The following PLGRKT variants were observed in gnomAD, a reference collection of about 807,000 sequenced individuals.
The protein encoded by PLGRKT is plasminogen receptor with a C-terminal lysine.
In PLGRKT, 22 loss-of-function variants were observed where a neutral mutation model predicts 18.5. That is an observed-to-expected ratio of 1.19 (90% CI 0.85 to 1.70). The LOEUF (loss-of-function observed/expected upper bound fraction) is 1.70, where lower values mean the gene tolerates loss of function less well. Among genes scored for constraint, PLGRKT ranks in the 40% most tolerant of loss-of-function variants. The probability of loss-of-function intolerance (pLI) is 0.00; values close to 1 mark genes in which losing one functional copy is unlikely to be tolerated. For synonymous variants in PLGRKT, 72 were observed against 52.8 expected (o/e 1.36, Z -1.58); for missense variants, 235 against 174.4 (o/e 1.35, Z -1.96).
intron 3 of PLGRKT, among the ~76,000 whole-genome samples, chr9:5,422,896 G>A (rs1421111743): frequency 6.6e-6 from 1 of 152,010 alleles, no homozygotes; most frequent in Non-Finnish European, 1.5e-5. Flanking sequence ...ATTTGCTGGT[G>A]GGTCTTAGTA....
chr9:5,378,172 G>C (rs1817668088), intron 3 of PLGRKT, among the ~76,000 whole-genome samples: 1 of 152,148 alleles, frequency 6.6e-6, no homozygotes. Flanking sequence ...CCAGACATTT[G>C]AGGGAAACCA....
rs1437202596 is a variant in PLGRKT at position 5,397,645 on chromosome 9, G to A, written c.81+34252C>T. 1.3e-5 allele frequency among the ~76,000 whole-genome samples: 2 copies of A among 151,536 alleles called. 1 individual carries two copies. Among genetic ancestry groups the A allele is most frequent in the African/African-American group, 4.9e-5 (2 of 40,884 alleles). On this transcript the variant is annotated intron_variant, in intron 3 of 5. Coordinates refer to ENST00000223864, the MANE Select transcript of PLGRKT (RefSeq NM_018465.4). Reference sequence around the variant, plus strand: ...AGGGAAGAGGGGAGAGAGGGAAGAAGGAAGCAAGCAATGGTCAGTGGCTTG... The same window carrying A: ...AGGGAAGAGGGGAGAGAGGGAAGAAAGAAGCAAGCAATGGTCAGTGGCTTG...
rs776411346 is a variant in PLGRKT at position 5,361,142 on chromosome 9, TG to T, written c.257del (p.Pro86HisfsTer2). 1.2e-6 allele frequency: 2 copies of T among 1,612,072 alleles called. No homozygotes were observed. The highest frequency in any genetic ancestry group is 1.7e-6 in the Non-Finnish European group (2 of 1,178,352). On this transcript the variant is annotated frameshift_variant, in exon 5 of 6. Transcript: ENST00000223864. LOFTEE classifies it high-confidence loss of function. ...KKPAFLVPIV[P>X]LSFILTYQYD... The stretch of plus-strand genomic sequence containing the variant: ...ACTGGTAGGTGAGGATAAAGCTTAA[TG>T]GAACAATCGGGACCAGGAAGGCTGG...
rs529922116 is a variant in PLGRKT at position 5,401,956 on chromosome 9, A to AT, written c.81+29940dup. ...GACACTTGTCTCATGTTTAGTGTGG[A>AT]TTTTTTTTTTCTAATTACCACAGTT... is the stretch of plus-strand genomic sequence containing the variant. On this transcript the variant is annotated intron_variant, in intron 3 of 5. Coordinates refer to ENST00000223864, the MANE Select transcript of PLGRKT (RefSeq NM_018465.4). Among the ~76,000 whole-genome samples, 106 of 150,170 alleles carry AT rather than the reference A, an allele frequency of 7.1e-4. 2 individuals are homozygous for AT. Among genetic ancestry groups the AT allele is most frequent in the East Asian group, 2.1e-3 (11 of 5,160 alleles).
At chr9:5,409,235 G>T in intron 3 of PLGRKT, among the ~76,000 whole-genome samples, 1 of 152,204 alleles carries the variant, frequency 6.6e-6, no homozygotes. Flanking sequence ...TGAGGGTGTT[G>T]CCAAAGGAGA....
chr9:5,381,244 G>C (rs1262788584), intron 3 of PLGRKT, among the ~76,000 whole-genome samples: 1 of 152,208 alleles, frequency 6.6e-6, no homozygotes, highest in Non-Finnish European at 1.5e-5. Context: ...AGCTGTTCGT[G>C]GCAGCCCCTC....
At chr9:5,409,984 T>C (rs986338734) in intron 3 of PLGRKT, among the ~76,000 whole-genome samples, 1 of 152,150 alleles carries the variant, frequency 6.6e-6, no homozygotes, top group Non-Finnish European at 1.5e-5. Context: ...CTGGAGAAAT[T>C]TTTACCTTTA....
chr9:5,412,216 T>C (rs745812359), intron 3 of PLGRKT, among the ~76,000 whole-genome samples: 3 of 152,176 alleles, frequency 2.0e-5, no homozygotes, highest in Non-Finnish European at 4.4e-5. Context: ...ATAGACTTCT[T>C]AATAAGTGGT....
intron 1 of PLGRKT, 58 bp from the exon 2 acceptor site, chr9:5,436,752 C>T (rs1234450482): frequency 6.6e-6 from 1 of 152,200 alleles, no homozygotes; most frequent in African/African-American, 2.4e-5. Context: ...TCAGTATTTT[C>T]AACATTCTTT....
chr9:5,386,068 G>A (rs1009298023), intron 3 of PLGRKT, among the ~76,000 whole-genome samples: 1 of 151,746 alleles, frequency 6.6e-6, no homozygotes, highest in Non-Finnish European at 1.5e-5. Context: ...TGGGACCTGA[G>A]GACAAGGAGA....
At chr9:5,428,237 C>A (rs1250724018) in intron 3 of PLGRKT, among the ~76,000 whole-genome samples, 2 of 152,176 alleles carry the variant, frequency 1.3e-5, no homozygotes, top group Non-Finnish European at 2.9e-5. Context: ...AAATACAAAG[C>A]CTTGCTTACT....
chr9:5,410,105 C>G (rs1818333833), intron 3 of PLGRKT, among the ~76,000 whole-genome samples: 1 of 152,100 alleles, frequency 6.6e-6, no homozygotes, highest in South Asian at 2.1e-4. Context: ...ATTGCTATTA[C>G]TGGCCTTAAT....
intron 3 of PLGRKT, among the ~76,000 whole-genome samples, chr9:5,386,044 T>A (rs1200758331): frequency 1.3e-5 from 2 of 151,808 alleles, no homozygotes; most frequent in Non-Finnish European, 2.9e-5. Flanking sequence ...CTGGCCCTGA[T>A]CACATAGCTT....
intron 3 of PLGRKT, among the ~76,000 whole-genome samples, chr9:5,412,035 G>A (rs534975801): frequency 6.6e-6 from 1 of 152,106 alleles, no homozygotes; most frequent in Admixed American, 6.5e-5. Flanking sequence ...TGGTATAGTA[G>A]CCTCAACAAG....
rs934605509 is a variant in PLGRKT, at chr9:5,426,415, A to G, written c.81+5482T>C. On this transcript the variant is annotated intron_variant, in intron 3 of 5. Transcript: ENST00000223864. ...AGTTTAATTCCTTCAAGTGGGACAC[A>G]TTCAAGGAACAAACCAATCTTCCGA... Among the ~76,000 whole-genome samples, 4 of 152,202 alleles carry G rather than the reference A, an allele frequency of 2.6e-5. No homozygotes were observed. The South Asian group carries it at 8.3e-4, about 32-fold the overall frequency.
At chr9:5,379,846 G>C (rs779102050) in intron 3 of PLGRKT, among the ~76,000 whole-genome samples, 1 of 152,180 alleles carries the variant, frequency 6.6e-6, no homozygotes, top group African/African-American at 2.4e-5. Flanking sequence ...CAATTTGACA[G>C]TATCTGTGTG....
At chr9:5,361,935 C>A in intron 3 of PLGRKT, 47 bp from the exon 4 acceptor site, 1 of 1,557,640 alleles carries the variant, frequency 6.4e-7, no homozygotes, top group South Asian at 1.2e-5. Flanking sequence ...TCTTTGGAAT[C>A]TGAACAAATA....
Position 5,358,205 on chromosome 9 carries a change from T to A in PLGRKT, c.*34A>T. 6.4e-7 allele frequency: 1 copy of A among 1,553,032 alleles called. No individual in the cohort carries two copies. Among genetic ancestry groups the A allele is most frequent in the Non-Finnish European group, 8.8e-7 (1 of 1,130,192 alleles). ...AAAAACCATGATTCAAGTCAATAAT[T>A]CTGTGCTTTGAGATTTGATTGGTAA... On this transcript the variant is annotated 3_prime_UTR_variant, in exon 6 of 6. Transcript: ENST00000223864.
At chr9:5,394,640 T>C (rs1352024146) in intron 3 of PLGRKT, among the ~76,000 whole-genome samples, 1 of 151,840 alleles carries the variant, frequency 6.6e-6, no homozygotes, top group Non-Finnish European at 1.5e-5. Flanking sequence ...CTCAACCTCC[T>C]GACCTCAGGT....
Sources: gnomAD v4.1 joint callset for allele counts (sites outside exome capture counted in the v4.1 genomes callset) on GRCh38, gnomAD v4.1.1 for gene constraint, MANE v1.5 for transcripts, NCBI Gene and HGNC (gene_info 2026-07-23, HGNC 2026-07-21) for gene names.